TNNI3K: variants seen among roughly 807,000 people sequenced by gnomAD.
TNNI3K encodes serine/threonine-protein kinase TNNI3K.
In TNNI3K, 140 loss-of-function variants were observed where a neutral mutation model predicts 114.5. That is an observed-to-expected ratio of 1.22 (90% CI 1.07 to 1.41). The LOEUF (loss-of-function observed/expected upper bound fraction) is 1.41. Among genes scored for constraint, TNNI3K ranks in the 40% most tolerant of loss-of-function variants. The pLI, the probability that TNNI3K is intolerant of heterozygous loss-of-function variation, is 0.00. For synonymous variants in TNNI3K, 347 were observed against 347.5 expected (o/e 1.00, Z 0.02); for missense variants, 1,125 against 1,007.6 (o/e 1.12, Z -1.58).
At chr1:74,312,200 G>A (rs914977269) in intron 5 of TNNI3K, among the ~76,000 whole-genome samples, 1 of 152,186 alleles carries the variant, frequency 6.6e-6, no homozygotes, top group African/African-American at 2.4e-5. Context: ...AGAAATTGTG[G>A]AACCTCTTTT....
At chr1:74,308,547 T>A (rs1466212055) in intron 5 of TNNI3K, among the ~76,000 whole-genome samples, 3 of 152,010 alleles carry the variant, frequency 2.0e-5, no homozygotes, top group Non-Finnish European at 2.9e-5. Flanking sequence ...AATGCCTACA[T>A]CAAGAAGATA....
intron 20 of TNNI3K, among the ~76,000 whole-genome samples, chr1:74,460,075 A>G (rs950450247): frequency 3.3e-5 from 5 of 151,904 alleles, no homozygotes; most frequent in Non-Finnish European, 5.9e-5. Context: ...TTAACAACAT[A>G]TAACTTTTTT....
chr1:74,382,569 G>A (rs1007260084), intron 17 of TNNI3K, among the ~76,000 whole-genome samples: 7 of 152,172 alleles, frequency 4.6e-5, no homozygotes, highest in African/African-American at 1.4e-4. Flanking sequence ...AAACAGCATA[G>A]TCCCTTTCTG....
intron 20 of TNNI3K, among the ~76,000 whole-genome samples, chr1:74,442,140 G>T (rs1666401019): frequency 6.6e-6 from 1 of 151,032 alleles, no homozygotes; most frequent in African/African-American, 2.4e-5. Flanking sequence ...ACCCAGTTTG[G>T]GTTGAATTTG....
At chr1:74,515,828 T>C (rs1309331582) in intron 23 of TNNI3K, among the ~76,000 whole-genome samples, 1 of 152,180 alleles carries the variant, frequency 6.6e-6, no homozygotes, top group East Asian at 1.9e-4. Context: ...CTTCCTAAAT[T>C]GGCTATTTCT....
chr1:74,402,098 G>A (rs945738130), intron 17 of TNNI3K: 1 of 195,042 alleles, frequency 5.1e-6, no homozygotes. Context: ...GCTAAATTTT[G>A]TTCCACCATA....
intron 5 of TNNI3K, among the ~76,000 whole-genome samples, chr1:74,279,174 T>C (rs1014595694): frequency 6.6e-6 from 1 of 152,184 alleles, no homozygotes; most frequent in African/African-American, 2.4e-5. Context: ...AAATGGGGTA[T>C]CTTCCTGAAT....
intron 17 of TNNI3K, among the ~76,000 whole-genome samples, chr1:74,387,032 A>C (rs1162649708): frequency 6.6e-6 from 1 of 152,228 alleles, no homozygotes; most frequent in African/African-American, 2.4e-5. Context: ...CAGGCTACAC[A>C]GTATATATTA....
intron 5 of TNNI3K, among the ~76,000 whole-genome samples, chr1:74,321,178 A>G (rs1388753578): frequency 6.6e-6 from 1 of 152,190 alleles, no homozygotes; most frequent in Non-Finnish European, 1.5e-5. Context: ...GGACTTTAAA[A>G]TAAGAGCTCC....
intron 21 of TNNI3K, among the ~76,000 whole-genome samples, chr1:74,488,624 A>G (rs981143112): frequency 3.3e-5 from 5 of 152,156 alleles, no homozygotes; most frequent in African/African-American, 1.2e-4. Flanking sequence ...ACTTTTTTTT[A>G]ACCAAACTCG....
rs1374649823 is a variant in TNNI3K at position 74,430,300 on chromosome 1, A to G, written c.1773-5780A>G. The stretch of plus-strand genomic sequence containing the variant: ...TTTTCAATACAGGCAATTAAAATGA[A>G]AAGACTCATGATCCTTACATAATGA... On this transcript the variant is annotated intron_variant, in intron 17 of 24. Coordinates refer to ENST00000326637, the MANE Select transcript of TNNI3K (RefSeq NM_015978.3). Among the ~76,000 whole-genome samples the G allele has an allele frequency of 4.6e-5, 7 of 152,156 alleles. No individual in the cohort carries two copies. The East Asian group carries it at 1.4e-3, about 29-fold the overall frequency.
At chr1:74,401,863 G>A (rs866293290) in intron 17 of TNNI3K, 5 of 454,442 alleles carry the variant, frequency 1.1e-5, no homozygotes, top group African/African-American at 6.0e-5. Flanking sequence ...CTAGGATCTG[G>A]ATCACCCATA....
intron 2 of TNNI3K, among the ~76,000 whole-genome samples, chr1:74,245,556 G>A (rs1484478029): frequency 6.6e-6 from 1 of 152,194 alleles, no homozygotes; most frequent in Non-Finnish European, 1.5e-5. Flanking sequence ...AGATAGCATA[G>A]TATTTGGTGA....
chr1:74,314,758 G>A (rs1659212329), intron 5 of TNNI3K, among the ~76,000 whole-genome samples: 1 of 152,056 alleles, frequency 6.6e-6, no homozygotes, highest in Non-Finnish European at 1.5e-5. Flanking sequence ...AATTGTCTTT[G>A]TTTCCTCTAA....
intron 11 of TNNI3K, among the ~76,000 whole-genome samples, chr1:74,355,484 A>G (rs1661604297): frequency 6.6e-6 from 1 of 152,046 alleles, no homozygotes; most frequent in Non-Finnish European, 1.5e-5. Context: ...GATGCCTGTA[A>G]TCTCAGCTAC....
intron 7 of TNNI3K, among the ~76,000 whole-genome samples, chr1:74,338,069 T>C (rs893112149): frequency 5.9e-5 from 9 of 152,030 alleles, no homozygotes; most frequent in South Asian, 4.1e-4. Flanking sequence ...TAAACACACA[T>C]ATATATATGA....
chr1:74,468,477 C>G (rs941010505), intron 21 of TNNI3K: 4 of 151,904 alleles, frequency 2.6e-5, no homozygotes, highest in Non-Finnish European at 4.4e-5. Flanking sequence ...AGATAATGAA[C>G]AGAAATACCA....
At chr1:74,250,536 A>C in intron 3 of TNNI3K, 136 bp from the exon 4 acceptor site, 1 of 666,146 alleles carries the variant, frequency 1.5e-6, no homozygotes, top group Non-Finnish European at 2.3e-6. Context: ...AATTAATAGA[A>C]AACTTTACAA....
At chr1:74,533,420 T>G (rs1646617589) in intron 23 of TNNI3K, among the ~76,000 whole-genome samples, 1 of 152,186 alleles carries the variant, frequency 6.6e-6, no homozygotes, top group Non-Finnish European at 1.5e-5. Context: ...CATCAGGTGC[T>G]GGAGAGGATG....
Sources: allele counts gnomAD v4.1 joint callset (sites outside exome capture counted in the v4.1 genomes callset), GRCh38; gene constraint gnomAD v4.1.1; transcripts MANE v1.5; gene names NCBI Gene and HGNC (gene_info 2026-07-23, HGNC 2026-07-21).